Variants in LPAR6 observed in about 807,000 individuals in gnomAD.
LPAR6 encodes the protein G-protein coupled purinergic receptor P2Y5.
A neutral mutation model predicts 22.0 loss-of-function variants in LPAR6; 17 were observed. That is an observed-to-expected ratio of 0.77 (90% CI 0.53 to 1.16). LPAR6 has a LOEUF of 1.16. Ranked by LOEUF, LPAR6 falls within the 50% of genes most tolerant of loss-of-function variation. LPAR6 has a pLI of 0.00. For missense variants in LPAR6, 384 were observed against 406.9 expected (o/e 0.94, Z 0.48); for synonymous variants, 136 against 139.8 (o/e 0.97, Z 0.19).
downstream of LPAR6, chr13:48,408,578 A>C (rs1028622806): frequency 3.4e-4 from 52 of 152,236 alleles, no homozygotes; most frequent in African/African-American, 1.2e-3. Context: ...GGTTTTTCTG[A>C]ATAAAGGGGG....
chr13:48,433,652 TTTTA>T (rs1262775462), intron 1 of LPAR6, among the ~76,000 whole-genome samples: 2 of 149,088 alleles, frequency 1.3e-5, no homozygotes, highest in African/African-American at 2.4e-5. Flanking sequence ...TGTTCCACTG[TTTTA>T]TTTGTTTTAC....
At position 48,411,404 on chromosome 13, in the gene LPAR6, A is replaced by G. The variant is rs777172366; in HGVS notation, c.1020T>C (p.Asn340=). The G allele has an allele frequency of 6.2e-6, 10 of 1,611,436 alleles. No homozygotes were observed. In the Admixed American group the frequency reaches 1.7e-4, roughly 27 times the overall value. ...LQTLKSKIFD[N]ESAA is the part of the protein sequence containing the mutation. The stretch of plus-strand genomic sequence containing the variant: ...TGGTTTTATTTCAGGCAGCAGATTC[A>G]TTGTCAAATATCTTACTTTTTAAGG... Residue 340 remains asparagine, a synonymous_variant, in exon 1 of 1, where the codon AAT becomes AAC. Coordinates refer to ENST00000620633, the MANE Select transcript of LPAR6 (RefSeq NM_001162498.3).
upstream of LPAR6, among the ~76,000 whole-genome samples, chr13:48,431,183 A>G (rs1470789305): frequency 6.6e-6 from 1 of 152,224 alleles, no homozygotes; most frequent in African/African-American, 2.4e-5. Flanking sequence ...AGATGCATCT[A>G]AACAAGCATA....
At chr13:48,424,306 A>G (rs1696847183) in intron 1 of LPAR6, among the ~76,000 whole-genome samples, 1 of 152,190 alleles carries the variant, frequency 6.6e-6, no homozygotes, top group Admixed American at 6.5e-5. Flanking sequence ...CCTTCCTTTC[A>G]TTATTGTAAA....
At chr13:48,421,571 T>A (rs1949005377) in intron 2 of LPAR6, among the ~76,000 whole-genome samples, 1 of 152,000 alleles carries the variant, frequency 6.6e-6, no homozygotes. Context: ...ATCATCAGAG[T>A]GAACAGGCAA....
intron 1 of LPAR6, among the ~76,000 whole-genome samples, chr13:48,442,747 A>C (rs1216123771): frequency 6.6e-6 from 1 of 152,200 alleles, no homozygotes; most frequent in Non-Finnish European, 1.5e-5. Context: ...GACATCCTCA[A>C]GTAAACCTGG....
At chr13:48,430,305 G>A (rs1205202713), upstream of LPAR6, among the ~76,000 whole-genome samples, 1 of 151,938 alleles carries the variant, frequency 6.6e-6, no homozygotes, top group African/African-American at 2.4e-5. Context: ...TATCAGGATA[G>A]CAATTTGAAA....
chr13:48,428,516 C>G (rs1336937599), upstream of LPAR6, among the ~76,000 whole-genome samples: 1 of 152,064 alleles, frequency 6.6e-6, no homozygotes, highest in Non-Finnish European at 1.5e-5. Flanking sequence ...ACATTGAAAC[C>G]ATATCAGACA....
At position 48,390,881 on chromosome 13, in the gene LPAR6, A is replaced by G. The variant is rs114501890; in HGVS notation, n.115-1069T>C. On this transcript the variant is annotated intron_variant and non_coding_transcript_variant, in intron 1 of 1. Transcript: ENST00000462781. ...AAGAAGTGATTTTCTTATAGGCAGC[A>G]TATTGTTGGGTGTTGCTTTCTTAAA... Among the ~76,000 whole-genome samples the G allele has an allele frequency of 1.0e-2, 1,516 of 152,264 alleles. 36 individuals carry two copies. The highest frequency in any genetic ancestry group is 0.035 in the African/African-American group (1,438 of 41,538).
rs775892090 is a variant in LPAR6, at chr13:48,412,353, A to G, written c.71T>C (p.Phe24Ser). The change falls in exon 1 of 1, where the codon TTC becomes TCC. Residue 24 changes from phenylalanine (F) to serine (S), a missense_variant. Coordinates refer to ENST00000620633, the MANE Select transcript of LPAR6 (RefSeq NM_001162498.3). The stretch of plus-strand genomic sequence containing the variant: ...TAACCCAAGCACAAACACCATGCTG[A>G]ACATGCACCCATACAAAGTGTACTT... The part of the protein sequence containing the change: ...SFKYTLYGCM[F>S]SMVFVLGLIS... 6.2e-7 allele frequency: 1 copy of G among 1,613,846 alleles called. No individual in the cohort carries two copies. The highest frequency in any genetic ancestry group is 8.5e-7 in the Non-Finnish European group (1 of 1,179,730).
chr13:48,412,245 GC>G lies in LPAR6; in HGVS notation c.178del (p.Ala60GlnfsTer34). On this transcript the variant is annotated frameshift_variant, in exon 1 of 1. Coordinates refer to ENST00000620633, the MANE Select transcript of LPAR6 (RefSeq NM_001162498.3). LOFTEE classifies it high-confidence loss of function. ...NETTTYMINL[A>X]MSDLLFVFTL... ...AAAAACAAAAAGCAAGTCTGACATT[GC>G]CAAGTTAATCATGTAAGTTGTAGTT... 6.2e-7 allele frequency: 1 copy of G among 1,613,980 alleles called. No individual in the cohort carries two copies. Among genetic ancestry groups the G allele is most frequent in the South Asian group, 1.1e-5 (1 of 91,080 alleles).
rs975685804 is a variant in LPAR6, at chr13:48,412,955, A to G, written c.-532T>C. On this transcript the variant is annotated 5_prime_UTR_variant, in exon 1 of 1. Coordinates refer to ENST00000620633, the MANE Select transcript of LPAR6 (RefSeq NM_001162498.3). ...CCATTTTACTTCTTGCTTCTTTTAA[A>G]TGAAGTTTTCCTTTTTTGTTTTCCT... is the stretch of plus-strand genomic sequence containing the variant. The G allele has an allele frequency of 2.4e-5, 4 of 169,518 alleles. No individual in the cohort carries two copies. The highest frequency in any genetic ancestry group is 9.6e-5 in the African/African-American group (4 of 41,456). The allele number at this position is 169,518 out of a possible 1,614,324, so 10.5% of individuals were successfully genotyped here. A position where few individuals can be genotyped will look rare whatever the true frequency, so the allele number is the denominator to read the frequency against.
upstream of LPAR6, chr13:48,429,126 A>G (rs1949104857): frequency 6.6e-6 from 1 of 152,224 alleles, no homozygotes; most frequent in East Asian, 1.9e-4. Flanking sequence ...TTGTAATGTT[A>G]TAAAATGGAA....
intron 1 of LPAR6, among the ~76,000 whole-genome samples, chr13:48,441,107 G>A (rs1373575648): frequency 1.3e-5 from 2 of 152,264 alleles, no homozygotes; most frequent in South Asian, 4.1e-4. Flanking sequence ...CAACAGAAAT[G>A]TATTTCTCAC....
chr13:48,409,411 T>C (rs1362674976), downstream of LPAR6, among the ~76,000 whole-genome samples: 1 of 151,920 alleles, frequency 6.6e-6, no homozygotes, highest in African/African-American at 2.4e-5. Context: ...ACAGCAAAAA[T>C]CAAATTTATG....
At chr13:48,426,529 T>C (rs545383855) in intron 1 of LPAR6, 1 of 152,362 alleles carries the variant, frequency 6.6e-6, no homozygotes, top group African/African-American at 2.4e-5. Context: ...TATCCTCTAA[T>C]GTTGGAGCTA....
chr13:48,415,394 C>G (rs1948891708), upstream of LPAR6, among the ~76,000 whole-genome samples: 1 of 151,808 alleles, frequency 6.6e-6, no homozygotes, highest in South Asian at 2.1e-4. Context: ...ATTTTCCCAC[C>G]TCAGCCTCCC....
upstream of LPAR6, among the ~76,000 whole-genome samples, chr13:48,413,772 G>A (rs1273343156): frequency 6.6e-6 from 1 of 152,116 alleles, no homozygotes; most frequent in Non-Finnish European, 1.5e-5. Flanking sequence ...ACTCAAGAAT[G>A]TTTATCTTTG....
intron 1 of LPAR6, among the ~76,000 whole-genome samples, chr13:48,424,780 T>C (rs1270312673): frequency 1.3e-5 from 2 of 152,140 alleles, no homozygotes; most frequent in Admixed American, 6.6e-5. Flanking sequence ...AGGCCATGTG[T>C]GGTGGCTCAT....
Sources: gnomAD v4.1 joint callset for allele counts (sites outside exome capture counted in the v4.1 genomes callset) on GRCh38, gnomAD v4.1.1 for gene constraint, MANE v1.5 for transcripts, NCBI Gene and HGNC (gene_info 2026-07-23, HGNC 2026-07-21) for gene names.